The following ADRM1 variants were observed in gnomAD, a reference collection of about 807,000 sequenced individuals.
The protein encoded by ADRM1 is proteasomal ubiquitin receptor ADRM1.
ADRM1 carries 2 observed loss-of-function variants against 40.1 expected under a neutral mutation model. The ratio of observed to expected loss-of-function variants is 0.05; its 90% CI spans 0.02 to 0.16. ADRM1 has a LOEUF of 0.16. ADRM1 is among the 10% of genes least tolerant of loss of function. The pLI is 1.00. For missense variants in ADRM1, 467 were observed against 552.5 expected (o/e 0.85, Z 1.55); for synonymous variants, 287 against 240.4 (o/e 1.19, Z -1.79).
intron 3 of ADRM1, chr20:62,305,795 G>C (rs1601235772): frequency 4.6e-6 from 1 of 216,132 alleles, no homozygotes; most frequent in Non-Finnish European, 9.5e-6. Context: ...CTGGGCCGCG[G>C]TGTGCTGAGC....
rs776679747 is a variant in ADRM1 at position 62,307,791 on chromosome 20, G to C, written c.819G>C (p.Thr273=). 1 of 1,610,636 alleles carries C rather than the reference G, an allele frequency of 6.2e-7. No homozygotes were observed. The highest frequency in any genetic ancestry group is 2.2e-5 in the East Asian group (1 of 44,832). ...QLSDLQSILA[T]MNVPAGPAGG... ...GCGACCTCCAGAGCATCCTGGCCAC[G>C]ATGAACGTACCAGCCGGGCCAGCAG... The change falls in exon 7 of 10, where the codon ACG becomes ACC. Residue 273 remains threonine, a synonymous_variant. Transcript: ENST00000253003.
In ADRM1 at chr20:62,307,742, G is replaced by C; in HGVS notation, c.770G>C (p.Ser257Thr). The change falls in exon 7 of 10, where the codon AGC (serine) becomes ACC (threonine). Residue 257 changes from serine to threonine, a missense_variant. This residue lies in a region of ADRM1 where 418 missense variants were observed against 474.6 expected (regional missense o/e 0.88). Coordinates refer to ENST00000253003, the MANE Select transcript of ADRM1 (RefSeq NM_007002.4). ...GGGAATGGAGCCAGCACAGCAGCCA[G>C]CCCGACCCAGCCCATCCAGCTGAGC... The part of the protein sequence containing the change: ...SSGNGASTAA[S>T]PTQPIQLSDL... 6.2e-7 allele frequency: 1 copy of C among 1,611,914 alleles called. No homozygotes were observed. Among genetic ancestry groups the C allele is most frequent in the Non-Finnish European group, 8.5e-7 (1 of 1,179,756 alleles).
rs1601250957 is a variant in ADRM1, at chr20:62,308,361, C to T, written c.1015-7C>T. Reference sequence around the variant, plus strand: ...GGAGCTCAGCCCTCGCCTGGCTCTTCTTGCAGGCCCTGGGCATGTTCAGCG... The same window carrying T: ...GGAGCTCAGCCCTCGCCTGGCTCTTTTTGCAGGCCCTGGGCATGTTCAGCG... On this transcript the variant is annotated splice_polypyrimidine_tract_variant and splice_region_variant and intron_variant, in intron 8 of 9. Transcript: ENST00000253003. The T allele has an allele frequency of 1.9e-6, 3 of 1,594,794 alleles. No homozygotes were observed. In the East Asian group the frequency reaches 6.8e-5, roughly 36 times the overall value.
At chr20:62,303,339 A>C in intron 1 of ADRM1, 4 of 422,008 alleles carry the variant, frequency 9.5e-6, no homozygotes, top group African/African-American at 2.1e-5. Flanking sequence ...CGTCAAGCCT[A>C]GGGCCGGCCC....
chr20:62,307,064 T>C (rs1453372209), intron 5 of ADRM1, among the ~76,000 whole-genome samples: 1 of 152,212 alleles, frequency 6.6e-6, no homozygotes, highest in Non-Finnish European at 1.5e-5. Flanking sequence ...TGCCAGCTCA[T>C]GGAGTGCAGA....
In ADRM1 at chr20:62,303,791, C is replaced by T. The variant is rs1197967841; in HGVS notation, c.213+10C>T. ...CGGGAACGTGGAAGACGTGAGTGTC[C>T]CTGAGCCGCAGCAGCAGGACAGGCG... On this transcript the variant is annotated intron_variant, in intron 2 of 9. Transcript: ENST00000253003. The T allele has an allele frequency of 3.7e-6, 6 of 1,608,122 alleles. No homozygotes were observed. The highest frequency in any genetic ancestry group is 2.7e-5 in the African/African-American group (2 of 74,986).
intron 3 of ADRM1, 100 bp downstream of exon 3, chr20:62,304,677 C>T (rs752178512): frequency 3.7e-5 from 45 of 1,203,990 alleles, no homozygotes; most frequent in East Asian, 1.9e-4. Flanking sequence ...AACCAGCAGG[C>T]GCCGGCCACA....
At chr20:62,307,316 C>T in intron 5 of ADRM1, 55 bp from the exon 6 acceptor site, 2 of 1,526,568 alleles carry the variant, frequency 1.3e-6, no homozygotes, top group South Asian at 1.2e-5. Flanking sequence ...AGGGGCCAGG[C>T]TCTTTCTGGT....
chr20:62,306,428 T>C (rs1601238555), intron 4 of ADRM1, 108 bp downstream of exon 4: 4 of 1,575,518 alleles, frequency 2.5e-6, no homozygotes, highest in Non-Finnish European at 2.6e-6. Context: ...AAATAGAAGA[T>C]TCTAAAAGTT....
intron 2 of ADRM1, chr20:62,304,033 G>T: frequency 1.8e-6 from 1 of 550,672 alleles, no homozygotes; most frequent in Non-Finnish European, 3.3e-6. Context: ...TCTGTGCCTG[G>T]CCTTGAACTG....
upstream of ADRM1, chr20:62,302,953 G>A (rs1230788071): frequency 6.6e-6 from 1 of 152,232 alleles, no homozygotes; most frequent in African/African-American, 2.4e-5. Flanking sequence ...GGCAGGCGGG[G>A]CGGGCCGAAC....
intron 2 of ADRM1, 96 bp downstream of exon 2, chr20:62,303,877 G>T: frequency 7.8e-7 from 1 of 1,275,658 alleles, no homozygotes; most frequent in Non-Finnish European, 1.1e-6. Context: ...GCCGCATCTG[G>T]GGACCGCTCG....
At chr20:62,305,980 G>T (rs141363382) in intron 3 of ADRM1, 3 of 574,516 alleles carry the variant, frequency 5.2e-6, no homozygotes, top group Non-Finnish European at 9.2e-6. Flanking sequence ...CCGGGATTGC[G>T]GCGGATGGGG....
chr20:62,303,513 C>T, intron 1 of ADRM1, 55 bp from the exon 2 acceptor site: 3 of 1,519,432 alleles, frequency 2.0e-6, no homozygotes, highest in South Asian at 2.5e-5. Flanking sequence ...CGGGAGCTTG[C>T]CGGACCGCAG....
intron 3 of ADRM1, chr20:62,305,812 G>A: frequency 4.1e-6 from 1 of 241,048 alleles, no homozygotes; most frequent in Non-Finnish European, 8.4e-6. Context: ...GAGCGGGCCA[G>A]TTCGCTGCCT....
intron 3 of ADRM1, chr20:62,305,794 G>C (rs183979002): frequency 9.4e-6 from 2 of 213,276 alleles, no homozygotes; most frequent in Admixed American, 1.0e-4. Context: ...CCTGGGCCGC[G>C]GTGTGCTGAG....
chr20:62,308,509 G>T (rs1250233053), intron 9 of ADRM1, 39 bp downstream of exon 9: 1 of 1,573,072 alleles, frequency 6.4e-7, no homozygotes, highest in Non-Finnish European at 8.6e-7. Flanking sequence ...CAGAGCCAGG[G>T]GCAGGGTCCA....
chr20:62,306,535 C>T lies in ADRM1; in HGVS notation c.455-113C>T, dbSNP rs116404131. On this transcript the variant is annotated intron_variant, in intron 4 of 9. Coordinates refer to ENST00000253003, the MANE Select transcript of ADRM1 (RefSeq NM_007002.4). ...CGTCGCCTCACTTCAAGTGGTGCCCCCTGTAGGGTTCAGGGGCAGCCGAGT... is the reference window on the plus strand; with the variant it reads ...CGTCGCCTCACTTCAAGTGGTGCCCTCTGTAGGGTTCAGGGGCAGCCGAGT... The T allele has an allele frequency of 1.5e-3, 1,926 of 1,317,302 alleles. 29 individuals are homozygous for T. The African/African-American group carries it at 0.024, about 16-fold the overall frequency. 81.6% of individuals were successfully genotyped at this position (1,317,302 alleles called of 1,614,324 possible). A position where few individuals can be genotyped will look rare whatever the true frequency, so the allele number is the denominator to read the frequency against.
rs1431286902 is a variant in ADRM1 at position 62,307,738 on chromosome 20, G to A, written c.766G>A (p.Ala256Thr). 6.2e-7 allele frequency: 1 copy of A among 1,612,048 alleles called. No individual in the cohort carries two copies. Among genetic ancestry groups the A allele is most frequent in the South Asian group, 1.1e-5 (1 of 91,048 alleles). ...TTCCGGGAATGGAGCCAGCACAGCA[G>A]CCAGCCCGACCCAGCCCATCCAGCT... ...PSSGNGASTAASPTQPIQLSD... is the reference protein window; with the variant it reads ...PSSGNGASTATSPTQPIQLSD... Residue 256 changes from alanine (A) to threonine (T), a missense_variant, in exon 7 of 10, where the codon GCC (alanine) becomes ACC (threonine). Ala to Thr is a moderately conservative substitution (Grantham distance 58). Around this residue, in one of 3 missense-constraint regions of ADRM1, gnomAD observed 418 missense variants for 474.6 expected, o/e 0.88. Transcript: ENST00000253003.
Sources: gnomAD v4.1 joint callset for allele counts (sites outside exome capture counted in the v4.1 genomes callset) on GRCh38, gnomAD v4.1.1 for gene constraint, gnomAD v4.1.1 regional missense constraint, MANE v1.5 for transcripts, NCBI Gene and HGNC (gene_info 2026-07-23, HGNC 2026-07-21) for gene names.